OLFM2: variants seen among roughly 807,000 people sequenced by gnomAD.
OLFM2 encodes the protein olfactomedin 2.
A neutral mutation model predicts 43.9 loss-of-function variants in OLFM2; 20 were observed. The ratio of observed to expected loss-of-function variants is 0.46; its 90% CI spans 0.32 to 0.66. The LOEUF (loss-of-function observed/expected upper bound fraction) is 0.66, where lower values mean the gene tolerates loss of function less well. OLFM2 is among the 30% of genes least tolerant of loss of function. The probability of loss-of-function intolerance (pLI) is 0.04; values close to 1 mark genes in which losing one functional copy is unlikely to be tolerated. For missense variants in OLFM2, 416 were observed against 643.6 expected, an observed-to-expected ratio of 0.65 and a Z score of 3.83; for synonymous variants, 268 against 278.6, an observed-to-expected ratio of 0.96 and a Z score of 0.38.
At chr19:9,922,043 GT>G (rs1283074680) in intron 1 of OLFM2, among the ~76,000 whole-genome samples, 1 of 150,738 alleles carries the variant, frequency 6.6e-6, no homozygotes, top group Non-Finnish European at 1.5e-5. Context: ...GCAGTGAGCC[GT>G]AATTGCACCA....
intron 1 of OLFM2, among the ~76,000 whole-genome samples, chr19:9,910,688 T>C (rs1306786175): frequency 6.6e-6 from 1 of 151,726 alleles, no homozygotes; most frequent in Admixed American, 6.6e-5. Context: ...AATGCATGCA[T>C]GGAGGAATTG....
intron 1 of OLFM2, among the ~76,000 whole-genome samples, chr19:9,896,846 A>C (rs2046689534): frequency 6.6e-6 from 1 of 152,116 alleles, no homozygotes; most frequent in South Asian, 2.1e-4. Context: ...CCACACATCC[A>C]TGTCTGTTTG....
chr19:9,896,979 C>T (rs1183740718), intron 1 of OLFM2, among the ~76,000 whole-genome samples: 1 of 152,052 alleles, frequency 6.6e-6, no homozygotes, highest in South Asian at 2.1e-4. Flanking sequence ...ATCGCTTGAG[C>T]CCAGGAGTTC....
At chr19:9,894,764 T>C (rs1027061408) in intron 1 of OLFM2, among the ~76,000 whole-genome samples, 2 of 152,074 alleles carry the variant, frequency 1.3e-5, no homozygotes, top group South Asian at 2.1e-4. Flanking sequence ...CACTCCTCGG[T>C]TGAGAACCAC....
At chr19:9,877,695 GACA>G (rs2046503355) in intron 1 of OLFM2, among the ~76,000 whole-genome samples, 2 of 152,104 alleles carry the variant, frequency 1.3e-5, no homozygotes, top group South Asian at 4.1e-4. Context: ...GTGGGCTATT[GACA>G]ACAAGAATGA....
In OLFM2 at chr19:9,854,310, T is replaced by A. The variant is rs1041783827; in HGVS notation, c.1241A>T (p.Tyr414Phe). 2.5e-6 allele frequency: 4 copies of A among 1,614,032 alleles called. No individual in the cohort carries two copies. The highest frequency in any genetic ancestry group is 2.5e-6 in the Non-Finnish European group (3 of 1,180,032). The change falls in exon 6 of 6, where the codon TAT becomes TTT. Residue 414 changes from tyrosine to phenylalanine, a missense_variant. Physicochemically the swap from Tyr to Phe is conservative, Grantham distance 22 (BLOSUM62 3). Transcript: ENST00000264833. This position sits in a 1 kb window ranked among gnomAD's most constrained non-coding sequence, Gnocchi z 9.5. ...GTAATCCAGCATCGAGATGTGGGAA[T>A]ACTGGTTGTGGAAGGGCACGTCCGT... ...EYTDVPFHNQ[Y>F]SHISMLDYNP...
intron 1 of OLFM2, among the ~76,000 whole-genome samples, chr19:9,881,803 C>A (rs1286494577): frequency 6.6e-6 from 1 of 152,082 alleles, no homozygotes; most frequent in East Asian, 1.9e-4. Context: ...CGGACCTAAT[C>A]TCCTTTTCTT....
chr19:9,888,937 G>A (rs2046613747), intron 1 of OLFM2, among the ~76,000 whole-genome samples: 1 of 152,060 alleles, frequency 6.6e-6, no homozygotes. Flanking sequence ...ATGGTGGCGG[G>A]TGCCTGTAGT....
intron 1 of OLFM2, among the ~76,000 whole-genome samples, chr19:9,926,667 T>G (rs1045584526): frequency 6.6e-6 from 1 of 152,108 alleles, no homozygotes; most frequent in Non-Finnish European, 1.5e-5. Context: ...ACCTCTTCTA[T>G]GAGTCACTAT....
chr19:9,898,062 GC>G (rs1237927219), intron 1 of OLFM2, among the ~76,000 whole-genome samples: 1 of 135,032 alleles, frequency 7.4e-6, no homozygotes, highest in Admixed American at 8.5e-5. Context: ...ATGCTACTGT[GC>G]CCAGCTAATT....
chr19:9,873,533 C>A (rs917925993), intron 1 of OLFM2, among the ~76,000 whole-genome samples: 1 of 152,202 alleles, frequency 6.6e-6, no homozygotes, highest in African/African-American at 2.4e-5. Context: ...TAGCTCACTG[C>A]ATCTTCAGCC....
At chr19:9,931,204 T>C (rs1464559592) in intron 1 of OLFM2, among the ~76,000 whole-genome samples, 1 of 152,204 alleles carries the variant, frequency 6.6e-6, no homozygotes, top group African/African-American at 2.4e-5. Context: ...TAAACAACAG[T>C]GCCCTATCGG....
At chr19:9,935,819 T>A (rs2086511374) in intron 1 of OLFM2, among the ~76,000 whole-genome samples, 1 of 151,074 alleles carries the variant, frequency 6.6e-6, no homozygotes, top group South Asian at 2.1e-4. Context: ...ACGTTTACCC[T>A]GCACCCCCAC....
At chr19:9,863,509 C>T (rs1263572679) in intron 1 of OLFM2, among the ~76,000 whole-genome samples, 1 of 151,936 alleles carries the variant, frequency 6.6e-6, no homozygotes, top group Non-Finnish European at 1.5e-5. Flanking sequence ...AGATTCTGGT[C>T]CTATTCCAGG....
chr19:9,856,124 G>A lies in OLFM2; in HGVS notation c.687+683C>T, dbSNP rs532333571. Among the ~76,000 whole-genome samples the A allele has an allele frequency of 9.2e-5, 14 of 152,278 alleles. No individual in the cohort carries two copies. In the South Asian group the frequency reaches 2.9e-3, roughly 32 times the overall value. The stretch of plus-strand genomic sequence containing the variant: ...TTGTTTTGTTTTGTTTTGAGACAGA[G>A]TTTCACTCGTGTTGCCCAGGCTGCA... On this transcript the variant is annotated intron_variant, in intron 5 of 5. Coordinates refer to ENST00000264833, the MANE Select transcript of OLFM2 (RefSeq NM_058164.4). The surrounding 1 kb of genome is among the most constrained non-coding windows in gnomAD (Gnocchi z 4.0).
chr19:9,912,979 C>G (rs1032086666), intron 1 of OLFM2, among the ~76,000 whole-genome samples: 2 of 144,906 alleles, frequency 1.4e-5, no homozygotes, highest in Non-Finnish European at 3.0e-5. Flanking sequence ...AATAGAGACT[C>G]AGACAGAACT....
intron 1 of OLFM2, among the ~76,000 whole-genome samples, chr19:9,864,787 C>CCT (rs575654522): frequency 2.0e-5 from 2 of 97,600 alleles, no homozygotes; most frequent in Non-Finnish European, 3.8e-5. Flanking sequence ...ACACACCCAG[C>CCT]TTTTTTTTTT....
intron 1 of OLFM2, among the ~76,000 whole-genome samples, chr19:9,932,161 G>A (rs1404924669): frequency 6.6e-6 from 1 of 151,884 alleles, no homozygotes; most frequent in African/African-American, 2.4e-5. Flanking sequence ...GGAAACGAGG[G>A]CTATAAAGAA....
chr19:9,872,047 G>A (rs566347185), intron 1 of OLFM2, among the ~76,000 whole-genome samples: 7 of 152,312 alleles, frequency 4.6e-5, no homozygotes, highest in Admixed American at 1.3e-4. Flanking sequence ...CTCTGACTGC[G>A]AGAATGGCAG....
Sources: gnomAD v4.1 joint callset for allele counts (sites outside exome capture counted in the v4.1 genomes callset) on GRCh38, gnomAD v4.1.1 for gene constraint, Gnocchi (gnomAD v3.1) non-coding constraint, MANE v1.5 for transcripts, NCBI Gene and HGNC (gene_info 2026-07-23, HGNC 2026-07-21) for gene names.